UBN2: variants seen among roughly 807,000 people sequenced by gnomAD.
UBN2 encodes ubinuclein-2.
A neutral mutation model predicts 120.2 loss-of-function variants in UBN2; 35 were observed. That is an observed-to-expected ratio of 0.29 (90% CI 0.22 to 0.39). UBN2 has a LOEUF of 0.39. Ranked by LOEUF, UBN2 falls within the 10% of genes least tolerant of loss-of-function variation. UBN2 has a pLI of 1.00. For synonymous variants in UBN2, 661 were observed against 648.7 expected (o/e 1.02, Z -0.29); for missense variants, 1,693 against 1,663.2 (o/e 1.02, Z -0.31).
rs1797699301 is a variant in UBN2, at chr7:139,284,062, CCCTCGCCTAAGCCTTCTG to C, written c.3162_3179del (p.Ala1059_Ser1064del). 4.3e-6 allele frequency: 7 copies of C among 1,614,168 alleles called. No individual in the cohort carries two copies. The highest frequency in any genetic ancestry group is 5.1e-6 in the Non-Finnish European group (6 of 1,180,030). ...GCCTGCCACATCTCCTAAACCCCTG[CCCTCGCCTAAGCCTTCTG>C]CCTCACCCAAGCCCTCTCTGTCAGC... On this transcript the variant is annotated inframe_deletion, in exon 15 of 18. Coordinates refer to ENST00000473989, the MANE Select transcript of UBN2 (RefSeq NM_173569.4).
Position 139,273,922 on chromosome 7 carries a change from T to A in UBN2, c.1830-9T>A, listed in dbSNP as rs1317418213. 1 of 1,564,816 alleles carries A rather than the reference T, an allele frequency of 6.4e-7. No individual in the cohort carries two copies. The highest frequency in any genetic ancestry group is 8.6e-7 in the Non-Finnish European group (1 of 1,161,908). Reference sequence around the variant, plus strand: ...AAAAAGTTTCAAATTTAATTTTCAATCTGTTTAGAACTTTGTTATGTAACC... The same window carrying A: ...AAAAAGTTTCAAATTTAATTTTCAAACTGTTTAGAACTTTGTTATGTAACC... On this transcript the variant is annotated splice_polypyrimidine_tract_variant and intron_variant, in intron 10 of 17. Transcript: ENST00000473989.
intron 15 of UBN2, among the ~76,000 whole-genome samples, chr7:139,289,015 A>G (rs1797867601): frequency 6.6e-6 from 1 of 152,006 alleles, no homozygotes; most frequent in East Asian, 1.9e-4. Context: ...AAAAAAAAAA[A>G]AAAAATTAAT....
chr7:139,327,670 T>C, the UBN2 span, among the ~76,000 whole-genome samples: 1 of 152,182 alleles, frequency 6.6e-6, no homozygotes, highest in Non-Finnish European at 1.5e-5. Context: ...GGGAACCTAG[T>C]TTCCAACATA....
At chr7:139,237,547 A>G (rs976634974) in intron 2 of UBN2, among the ~76,000 whole-genome samples, 1 of 152,112 alleles carries the variant, frequency 6.6e-6, no homozygotes, top group African/African-American at 2.4e-5. Context: ...CCATCCTGCC[A>G]AGTAGCCATC....
the UBN2 span, among the ~76,000 whole-genome samples, chr7:139,324,555 C>CAA: frequency 0.18 from 12,641 of 68,524 alleles, 1,355 homozygotes; most frequent in Admixed American, 0.26. Context: ...GACTCCATCT[C>CAA]AAAAAAAAAA....
intron 15 of UBN2, among the ~76,000 whole-genome samples, chr7:139,288,098 C>T (rs1302414044): frequency 6.6e-6 from 1 of 152,158 alleles, no homozygotes; most frequent in Non-Finnish European, 1.5e-5. Context: ...TTTATAATTC[C>T]AAACATCATT....
the UBN2 span, among the ~76,000 whole-genome samples, chr7:139,326,053 G>A: frequency 8.9e-3 from 1,309 of 146,988 alleles, 24 homozygotes; most frequent in African/African-American, 0.03. Context: ...TAGCCAGTTC[G>A]ATGACCAGCC....
At position 139,301,262 on chromosome 7, in the gene UBN2, A is replaced by T. The variant is rs138231236; in HGVS notation, c.*3426A>T. 3.3e-5 allele frequency: 5 copies of T among 152,260 alleles called. No individual in the cohort carries two copies. In the East Asian group the frequency reaches 9.6e-4, roughly 29 times the overall value. The allele number at this position is 152,260 out of a possible 1,614,324, so 9.4% of individuals were successfully genotyped here. On this transcript the variant is annotated 3_prime_UTR_variant, in exon 18 of 18. Coordinates refer to ENST00000473989, the MANE Select transcript of UBN2 (RefSeq NM_173569.4). The stretch of plus-strand genomic sequence containing the variant: ...TATTGGACATGATTTTTAACCCAGG[A>T]TATTTTTTTCCCAAAGCAGATCTAA...
the UBN2 span, among the ~76,000 whole-genome samples, chr7:139,325,832 T>G: frequency 6.6e-6 from 1 of 152,082 alleles, no homozygotes; most frequent in Non-Finnish European, 1.5e-5. Context: ...CACATAAAGA[T>G]TGAAGGACAG....
intron 13 of UBN2, among the ~76,000 whole-genome samples, chr7:139,279,964 G>A (rs1263678664): frequency 2.0e-5 from 3 of 152,178 alleles, no homozygotes; most frequent in Admixed American, 2.0e-4. Context: ...GGGGAAGAAT[G>A]TCCTTGCTGA....
chr7:139,232,543 T>C (rs1250556313), intron 1 of UBN2, among the ~76,000 whole-genome samples: 1 of 152,230 alleles, frequency 6.6e-6, no homozygotes, highest in Non-Finnish European at 1.5e-5. Context: ...GATCCCACTT[T>C]AGGAATGGAG....
chr7:139,240,077 A>G (rs1464649202), intron 2 of UBN2, among the ~76,000 whole-genome samples: 1 of 152,196 alleles, frequency 6.6e-6, no homozygotes, highest in African/African-American at 2.4e-5. Context: ...TTGAGTTTCA[A>G]TTGACTTAGA....
At chr7:139,316,303 A>C in the UBN2 span, among the ~76,000 whole-genome samples, 2 of 152,022 alleles carry the variant, frequency 1.3e-5, no homozygotes, top group South Asian at 4.1e-4. Flanking sequence ...TACTTATATT[A>C]AGTATAAAAG....
intron 3 of UBN2, among the ~76,000 whole-genome samples, chr7:139,255,361 G>A (rs1335514447): frequency 2.0e-5 from 3 of 152,126 alleles, no homozygotes; most frequent in Non-Finnish European, 2.9e-5. Context: ...GAACTAGTAC[G>A]TCATTGGTAG....
At chr7:139,322,675 A>G in the UBN2 span, among the ~76,000 whole-genome samples, 2 of 138,396 alleles carry the variant, frequency 1.4e-5, no homozygotes, top group African/African-American at 2.8e-5. Flanking sequence ...GCTGGAGTGC[A>G]GTGGCATCCC....
intron 2 of UBN2, among the ~76,000 whole-genome samples, chr7:139,249,851 A>C (rs989132300): frequency 2.0e-5 from 3 of 151,504 alleles, no homozygotes; most frequent in African/African-American, 7.3e-5. Context: ...GCAACATGCC[A>C]CCATGCCTGG....
At chr7:139,319,977 A>G in the UBN2 span, among the ~76,000 whole-genome samples, 46 of 151,762 alleles carry the variant, frequency 3.0e-4, no homozygotes, top group African/African-American at 8.2e-4. Flanking sequence ...TCCGGAGGCC[A>G]AGGCAGGAGA....
At chr7:139,268,586 C>T (rs74299961) in intron 7 of UBN2, among the ~76,000 whole-genome samples, 26,327 of 152,114 alleles carry the variant, frequency 0.17, 2,499 homozygotes, top group East Asian at 0.25. Context: ...GATTTCCTTG[C>T]CTACTACCTA....
chr7:139,282,618 CA>C (rs1433098136), intron 14 of UBN2, among the ~76,000 whole-genome samples: 5 of 152,150 alleles, frequency 3.3e-5, no homozygotes, highest in African/African-American at 1.2e-4. Flanking sequence ...AGCCTCCTAG[CA>C]AACCATCCCA....
Sources: allele counts gnomAD v4.1 joint callset (sites outside exome capture counted in the v4.1 genomes callset), GRCh38; gene constraint gnomAD v4.1.1; transcripts MANE v1.5; gene names NCBI Gene and HGNC (gene_info 2026-07-23, HGNC 2026-07-21).